Variants in EXOC6B observed in about 807,000 individuals in gnomAD.
EXOC6B encodes exocyst complex component 6B.
EXOC6B carries 54 observed loss-of-function variants against 113.5 expected under a neutral mutation model. That is an observed-to-expected ratio of 0.48 (90% CI 0.38 to 0.60). EXOC6B has a LOEUF of 0.60. Among genes scored for constraint, EXOC6B ranks in the 20% least tolerant of loss-of-function variants. EXOC6B has a pLI of 0.00. For missense variants in EXOC6B, 797 were observed against 977.5 expected (o/e 0.82, Z 2.46); for synonymous variants, 357 against 339.0 (o/e 1.05, Z -0.58).
At chr2:72,770,711 A>G (rs1683364621) in intron 1 of EXOC6B, among the ~76,000 whole-genome samples, 2 of 152,154 alleles carry the variant, frequency 1.3e-5, no homozygotes, top group Admixed American at 6.5e-5. Context: ...CACTAAGATA[A>G]TACTATTCCC....
At chr2:72,335,173 C>T in intron 19 of EXOC6B, 153 bp from the exon 20 acceptor site, 1 of 650,512 alleles carries the variant, frequency 1.5e-6, no homozygotes, top group Middle Eastern at 4.3e-4. Flanking sequence ...TCTTTGTTTG[C>T]CCTTCAAAAT....
At position 72,718,083 on chromosome 2, in the gene EXOC6B, A is replaced by G. The variant is rs1028200709; in HGVS notation, c.669+20T>C. 1.9e-6 allele frequency: 3 copies of G among 1,583,438 alleles called. No homozygotes were observed. Among genetic ancestry groups the G allele is most frequent in the Non-Finnish European group, 2.6e-6 (3 of 1,163,490 alleles). ...TACTGATAAAGCCACTGGCCAACCT[A>G]TCATAAACCCAAGACCTACTTGCTT... On this transcript the variant is annotated intron_variant, in intron 6 of 21. Coordinates refer to ENST00000272427, the MANE Select transcript of EXOC6B (RefSeq NM_015189.3).
At chr2:72,725,151 A>C (rs1036295979) in intron 5 of EXOC6B, among the ~76,000 whole-genome samples, 25 of 152,222 alleles carry the variant, frequency 1.6e-4, no homozygotes, top group African/African-American at 5.8e-4. Context: ...CTGCCTGAAA[A>C]CAAATGATAA....
intron 6 of EXOC6B, among the ~76,000 whole-genome samples, chr2:72,650,771 A>C (rs557439701): frequency 2.0e-5 from 3 of 152,250 alleles, no homozygotes; most frequent in Admixed American, 6.5e-5. Context: ...TTACAAAAAA[A>C]AATGGCAAAA....
intron 6 of EXOC6B, among the ~76,000 whole-genome samples, chr2:72,603,703 G>C (rs1670575680): frequency 6.6e-6 from 1 of 151,976 alleles, no homozygotes; most frequent in Non-Finnish European, 1.5e-5. Flanking sequence ...TCATTTCCTT[G>C]CTTCCCACTG....
intron 19 of EXOC6B, among the ~76,000 whole-genome samples, chr2:72,371,478 G>A (rs1691012216): frequency 1.3e-5 from 2 of 152,108 alleles, no homozygotes; most frequent in Admixed American, 6.6e-5. Context: ...CATTAAAAAT[G>A]TCATTCATCA....
chr2:72,718,063 A>G (rs1679741337), intron 6 of EXOC6B, 40 bp downstream of exon 6: 1 of 1,505,516 alleles, frequency 6.6e-7, no homozygotes, highest in Non-Finnish European at 9.0e-7. Flanking sequence ...CTCAATACTG[A>G]TAAAGCCACT....
At chr2:72,489,647 G>A (rs1375835963) in intron 16 of EXOC6B, among the ~76,000 whole-genome samples, 1 of 152,108 alleles carries the variant, frequency 6.6e-6, no homozygotes, top group Non-Finnish European at 1.5e-5. Flanking sequence ...TACGAGGAGG[G>A]CCAGAATTGG....
intron 1 of EXOC6B, among the ~76,000 whole-genome samples, chr2:72,751,208 ACAGCTTGCTATT>A (rs1490042236): frequency 6.6e-6 from 1 of 152,148 alleles, no homozygotes; most frequent in Non-Finnish European, 1.5e-5. Context: ...TGATTGAGAT[ACAGCTTGCTATT>A]ATACATTTTA....
chr2:72,363,597 CTGATGA>C (rs565740332), intron 19 of EXOC6B, among the ~76,000 whole-genome samples: 24 of 151,254 alleles, frequency 1.6e-4, no homozygotes, highest in Non-Finnish European at 2.4e-4. Context: ...ACTGCTGCTA[CTGATGA>C]TGATGATGAT....
intron 8 of EXOC6B, among the ~76,000 whole-genome samples, chr2:72,516,073 C>T (rs1701198903): frequency 6.6e-6 from 1 of 152,062 alleles, no homozygotes; most frequent in Admixed American, 6.5e-5. Context: ...GAAAATGGCC[C>T]TTATCATGCC....
intron 6 of EXOC6B, among the ~76,000 whole-genome samples, chr2:72,638,417 A>G (rs1672994599): frequency 6.6e-6 from 1 of 152,134 alleles, no homozygotes; most frequent in South Asian, 2.1e-4. Flanking sequence ...AAGGTGGCAC[A>G]GCTCCTACCG....
chr2:72,715,426 A>T (rs1679550258), intron 6 of EXOC6B, among the ~76,000 whole-genome samples: 1 of 148,396 alleles, frequency 6.7e-6, no homozygotes, highest in South Asian at 2.1e-4. Context: ...ATACATTTAA[A>T]ATATATATAT....
intron 20 of EXOC6B, among the ~76,000 whole-genome samples, chr2:72,208,659 AC>A (rs1373886995): frequency 1.3e-5 from 2 of 152,024 alleles, no homozygotes; most frequent in Non-Finnish European, 2.9e-5. Context: ...TCTCATCTTA[AC>A]CCTTTTCTAG....
At chr2:72,809,813 T>C (rs564271817) in intron 1 of EXOC6B, among the ~76,000 whole-genome samples, 60 of 152,174 alleles carry the variant, frequency 3.9e-4, no homozygotes, top group African/African-American at 1.3e-3. Flanking sequence ...ACCACCCCTC[T>C]CTCAACAATT....
At chr2:72,695,831 G>A (rs1440444212) in intron 6 of EXOC6B, among the ~76,000 whole-genome samples, 1 of 152,118 alleles carries the variant, frequency 6.6e-6, no homozygotes, top group African/African-American at 2.4e-5. Flanking sequence ...TCTTTGCATT[G>A]AAAAGGGCTC....
chr2:72,810,277 G>A (rs1048968215), intron 1 of EXOC6B, among the ~76,000 whole-genome samples: 127 of 151,602 alleles, frequency 8.4e-4, no homozygotes, highest in African/African-American at 3.0e-3. Context: ...CTACTCAAGC[G>A]GCTAAGACAC....
intron 6 of EXOC6B, among the ~76,000 whole-genome samples, chr2:72,714,785 G>C (rs1679501134): frequency 6.6e-6 from 1 of 152,096 alleles, no homozygotes; most frequent in Admixed American, 6.6e-5. Flanking sequence ...CAAGGGCTAT[G>C]CTCCCCAACC....
intron 13 of EXOC6B, 28 bp downstream of exon 13, chr2:72,498,426 A>T (rs1397437449): frequency 1.3e-6 from 2 of 1,506,116 alleles, no homozygotes; most frequent in South Asian, 2.3e-5. Context: ...ATGAACACAC[A>T]CACATATGAC....
Sources: allele counts gnomAD v4.1 joint callset (sites outside exome capture counted in the v4.1 genomes callset), GRCh38; gene constraint gnomAD v4.1.1; transcripts MANE v1.5; gene names NCBI Gene and HGNC (gene_info 2026-07-23, HGNC 2026-07-21).